XNDC1N: variants seen among roughly 807,000 people sequenced by gnomAD.
XNDC1N encodes the protein XRCC1 N-terminal domain containing 1, N-terminal like.
At chr11:71,904,086 A>T in the XNDC1N span, 4 of 520,566 alleles carry the variant, frequency 7.7e-6, no homozygotes, top group South Asian at 5.5e-5. Flanking sequence ...GGGATATGAA[A>T]AGTGTCCTGC....
the XNDC1N span, among the ~76,000 whole-genome samples, chr11:71,901,865 ATAAAG>A: frequency 2.6e-5 from 4 of 152,086 alleles, no homozygotes; most frequent in East Asian, 3.8e-4. Flanking sequence ...TGACGGATGC[ATAAAG>A]TAAAGGCAAA....
the XNDC1N span, among the ~76,000 whole-genome samples, chr11:71,921,715 A>G: frequency 6.6e-6 from 1 of 152,018 alleles, no homozygotes; most frequent in Non-Finnish European, 1.5e-5. Flanking sequence ...TTTTTTGATA[A>G]ATAAAAGGAG....
chr11:71,914,528 A>G, the XNDC1N span: 2 of 362,740 alleles, frequency 5.5e-6, no homozygotes, highest in African/African-American at 4.3e-5. Context: ...CTCTACTAAA[A>G]TACAAAAAAT....
the XNDC1N span, among the ~76,000 whole-genome samples, chr11:71,922,179 G>A: frequency 0.032 from 4,907 of 152,248 alleles, 75 homozygotes; most frequent in East Asian, 0.079. Flanking sequence ...AAAAGTCTAT[G>A]AAGCAAATTG....
chr11:71,869,159 G>A, the XNDC1N span, among the ~76,000 whole-genome samples: 3,781 of 151,998 alleles, frequency 0.025, 51 homozygotes, highest in East Asian at 0.074. Flanking sequence ...CCATTAACTC[G>A]TAATTTACAC....
the XNDC1N span, among the ~76,000 whole-genome samples, chr11:71,908,566 T>A: frequency 1.3e-5 from 2 of 151,980 alleles, no homozygotes; most frequent in East Asian, 1.9e-4. Context: ...ATATACTGGG[T>A]TAGATGAGGA....
chr11:71,899,667 C>T, the XNDC1N span, among the ~76,000 whole-genome samples: 12 of 152,164 alleles, frequency 7.9e-5, no homozygotes, highest in African/African-American at 1.4e-4. Flanking sequence ...ACCAGGGGCA[C>T]GATACACTGT....
the XNDC1N span, among the ~76,000 whole-genome samples, chr11:71,908,207 G>C: frequency 2.1e-5 from 3 of 145,278 alleles, no homozygotes; most frequent in African/African-American, 8.3e-5. Context: ...TTAATATTAA[G>C]AAATAATTGC....
chr11:71,926,122 T>C, the XNDC1N span: 2 of 151,002 alleles, frequency 1.3e-5, no homozygotes, highest in Admixed American at 6.6e-5. Flanking sequence ...AAAAAAAAAT[T>C]AGCCAAATGT....
At chr11:71,920,607 G>T in the XNDC1N span, among the ~76,000 whole-genome samples, 1 of 152,150 alleles carries the variant, frequency 6.6e-6, no homozygotes, top group African/African-American at 2.4e-5. Flanking sequence ...GCCCGGCCAA[G>T]ATGTTTTCAA....
the XNDC1N span, chr11:71,893,641 C>A: frequency 2.6e-6 from 3 of 1,145,396 alleles, no homozygotes; most frequent in Non-Finnish European, 3.9e-6. Flanking sequence ...CCTCCACACC[C>A]CCACGTACTT....
the XNDC1N span, among the ~76,000 whole-genome samples, chr11:71,896,237 C>T: frequency 6.6e-6 from 1 of 152,132 alleles, no homozygotes; most frequent in South Asian, 2.1e-4. Flanking sequence ...CCGGACTGTG[C>T]CTGTGTACAC....
At chr11:71,901,618 C>CA in the XNDC1N span, among the ~76,000 whole-genome samples, 4,259 of 151,606 alleles carry the variant, frequency 0.028, 72 homozygotes, top group East Asian at 0.078. Context: ...AAAACAAAAA[C>CA]AAAAAACAAA....
At chr11:71,915,155 T>C in the XNDC1N span, among the ~76,000 whole-genome samples, 3 of 152,004 alleles carry the variant, frequency 2.0e-5, no homozygotes, top group Admixed American at 2.0e-4. Flanking sequence ...AGCAAAAAGA[T>C]TACGACTCGC....
At chr11:71,877,698 G>A in the XNDC1N span, among the ~76,000 whole-genome samples, 1 of 152,092 alleles carries the variant, frequency 6.6e-6, no homozygotes, top group East Asian at 1.9e-4. Flanking sequence ...ATTCCCTACG[G>A]CACCCAAAGT....
chr11:71,868,004 T>A, the XNDC1N span, among the ~76,000 whole-genome samples: 2 of 152,352 alleles, frequency 1.3e-5, no homozygotes, highest in East Asian at 3.9e-4. Context: ...GATAGCTAAG[T>A]CTTCTTGTTG....
the XNDC1N span, chr11:71,893,388 T>C: frequency 1.5e-6 from 1 of 679,598 alleles, no homozygotes; most frequent in African/African-American, 1.8e-5. Context: ...TGTGAATTGC[T>C]TGCATCCAGC....
At chr11:71,899,554 C>A in the XNDC1N span, among the ~76,000 whole-genome samples, 18 of 152,216 alleles carry the variant, frequency 1.2e-4, no homozygotes, top group Non-Finnish European at 2.4e-4. Context: ...TGTATGAAAT[C>A]AAGGTTTAAG....
At chr11:71,874,410 AG>A in the XNDC1N span, among the ~76,000 whole-genome samples, 2 of 152,216 alleles carry the variant, frequency 1.3e-5, no homozygotes, top group African/African-American at 4.8e-5. Flanking sequence ...AGAGAATCAA[AG>A]GTATGCTCAG....
Sources: gnomAD v4.1 joint callset for allele counts (sites outside exome capture counted in the v4.1 genomes callset) on GRCh38, gnomAD v4.1.1 for gene constraint, MANE v1.5 for transcripts, NCBI Gene and HGNC (gene_info 2026-07-23, HGNC 2026-07-21) for gene names.